Variants in STPG2 observed in about 807,000 individuals in gnomAD.
STPG2 encodes the protein sperm-tail PG-rich repeat-containing protein 2.
STPG2 carries 56 observed loss-of-function variants against 54.2 expected under a neutral mutation model. The ratio of observed to expected loss-of-function variants is 1.03; its 90% CI spans 0.83 to 1.29. The LOEUF is 1.29. STPG2 is among the 50% of genes most tolerant of loss of function. STPG2 has a pLI of 0.00. For synonymous variants in STPG2, 200 were observed against 181.8 expected (o/e 1.10, Z -0.81); for missense variants, 596 against 544.9 (o/e 1.09, Z -0.93).
chr4:97,632,945 T>A (rs535737836), intron 10 of STPG2, among the ~76,000 whole-genome samples: 1 of 152,204 alleles, frequency 6.6e-6, no homozygotes, highest in South Asian at 2.1e-4. Context: ...CTAATTATAT[T>A]TAGAAGGGGG....
intron 10 of STPG2, among the ~76,000 whole-genome samples, chr4:97,593,696 G>A (rs1210329485): frequency 6.6e-6 from 1 of 152,170 alleles, no homozygotes; most frequent in Non-Finnish European, 1.5e-5. Flanking sequence ...TGGAACGCAT[G>A]AAGGAGCATG....
chr4:97,887,424 A>T (rs1314310914), intron 8 of STPG2, among the ~76,000 whole-genome samples: 1 of 152,142 alleles, frequency 6.6e-6, no homozygotes, highest in Admixed American at 6.6e-5. Context: ...TATGCCTTAG[A>T]AAAGAACTTG....
chr4:97,872,772 T>C (rs1730038644), intron 8 of STPG2, among the ~76,000 whole-genome samples: 1 of 151,290 alleles, frequency 6.6e-6, no homozygotes, highest in South Asian at 2.1e-4. Context: ...TTTTCTATAT[T>C]ATAACTTATT....
chr4:97,558,858 G>A (rs1011260107), downstream of STPG2: 5 of 535,138 alleles, frequency 9.3e-6, no homozygotes, highest in Admixed American at 7.8e-5. Context: ...AATACAATAT[G>A]ACTTTTTAAA....
rs1234038588 is a variant in STPG2, at chr4:97,817,728, G to C, written c.1204+23045C>G. On this transcript the variant is annotated intron_variant, in intron 9 of 10. Coordinates refer to ENST00000295268, the MANE Select transcript of STPG2 (RefSeq NM_174952.3). The stretch of plus-strand genomic sequence containing the variant: ...GATAGCTTATACTTGGATAATTTTA[G>C]TGATAAGAAGCCTTTTAACTCTAGA... Among the ~76,000 whole-genome samples the C allele has an allele frequency of 2.0e-5, 3 of 151,940 alleles. No individual in the cohort carries two copies. The East Asian group carries it at 5.8e-4, about 29-fold the overall frequency.
intron 10 of STPG2, among the ~76,000 whole-genome samples, chr4:97,693,830 T>G (rs1723462130): frequency 6.6e-6 from 1 of 152,064 alleles, no homozygotes; most frequent in South Asian, 2.1e-4. Flanking sequence ...CAGACAACAG[T>G]GGAACAAAAT....
chr4:97,803,352 G>A (rs1454937287), intron 9 of STPG2, among the ~76,000 whole-genome samples: 2 of 152,184 alleles, frequency 1.3e-5, no homozygotes, highest in Non-Finnish European at 2.9e-5. Flanking sequence ...TAGAAACAAT[G>A]TGATTGTATC....
intron 10 of STPG2, among the ~76,000 whole-genome samples, chr4:97,632,298 T>G (rs1448057033): frequency 6.8e-6 from 1 of 146,018 alleles, no homozygotes; most frequent in East Asian, 1.9e-4. Flanking sequence ...TTTTTTTTTT[T>G]TATTTCTGAG....
chr4:97,938,238 A>G (rs1218064129), intron 8 of STPG2, among the ~76,000 whole-genome samples: 1 of 152,172 alleles, frequency 6.6e-6, no homozygotes, highest in African/African-American at 2.4e-5. Context: ...TCTCCCTGGC[A>G]CCAGCAGGAA....
intron 5 of STPG2, among the ~76,000 whole-genome samples, chr4:97,994,476 T>G (rs1215003372): frequency 1.3e-5 from 2 of 152,204 alleles, no homozygotes; most frequent in Non-Finnish European, 2.9e-5. Flanking sequence ...AAATATCTGT[T>G]AAGTCCATTC....
intron 4 of STPG2, among the ~76,000 whole-genome samples, chr4:97,513,980 T>C (rs768834839): frequency 5.9e-5 from 9 of 152,034 alleles, no homozygotes; most frequent in Non-Finnish European, 1.3e-4. Context: ...ATATATAAAG[T>C]CAGAAACAAT....
intron 8 of STPG2, among the ~76,000 whole-genome samples, chr4:97,930,132 C>T (rs1022656102): frequency 1.3e-5 from 2 of 152,042 alleles, no homozygotes; most frequent in African/African-American, 2.4e-5. Flanking sequence ...CTCCTGACCT[C>T]GTAATCTACC....
At chr4:98,114,984 AT>A (rs1739476796) in intron 3 of STPG2, among the ~76,000 whole-genome samples, 1 of 151,936 alleles carries the variant, frequency 6.6e-6, no homozygotes, top group African/African-American at 2.4e-5. Flanking sequence ...AGTGTTGGCA[AT>A]ACCAACTTCA....
intron 7 of STPG2, among the ~76,000 whole-genome samples, chr4:97,963,431 G>A (rs1437170180): frequency 6.6e-6 from 1 of 152,060 alleles, no homozygotes; most frequent in African/African-American, 2.4e-5. Flanking sequence ...CAGAGGCAGG[G>A]GGACTCGTGC....
At chr4:97,564,307 CA>C (rs1732357129) in intron 10 of STPG2, among the ~76,000 whole-genome samples, 1 of 152,110 alleles carries the variant, frequency 6.6e-6, no homozygotes, top group Non-Finnish European at 1.5e-5. Context: ...TCCATCCTTT[CA>C]TTTTGAGCCT....
At chr4:97,612,765 G>C (rs1733762928) in intron 10 of STPG2, among the ~76,000 whole-genome samples, 1 of 151,792 alleles carries the variant, frequency 6.6e-6, no homozygotes, top group South Asian at 2.1e-4. Flanking sequence ...AGTGTAGATA[G>C]TGTAAATGCA....
intron 9 of STPG2, among the ~76,000 whole-genome samples, chr4:97,740,921 A>T (rs1338217752): frequency 1.3e-5 from 2 of 152,136 alleles, no homozygotes; most frequent in African/African-American, 4.8e-5. Context: ...TCTTAAGGCA[A>T]AAGAACAAAG....
At chr4:97,486,480 C>A (rs1730362024) in intron 4 of STPG2, among the ~76,000 whole-genome samples, 1 of 151,804 alleles carries the variant, frequency 6.6e-6, no homozygotes, top group Non-Finnish European at 1.5e-5. Flanking sequence ...CCACCTACTC[C>A]TGCAAGAATG....
At chr4:97,888,697 G>C (rs993187344) in intron 8 of STPG2, among the ~76,000 whole-genome samples, 3 of 152,170 alleles carry the variant, frequency 2.0e-5, no homozygotes, top group Non-Finnish European at 4.4e-5. Flanking sequence ...AAACTGTTAA[G>C]AAGAGATTAT....
Sources: gnomAD v4.1 joint callset for allele counts (sites outside exome capture counted in the v4.1 genomes callset) on GRCh38, gnomAD v4.1.1 for gene constraint, MANE v1.5 for transcripts, NCBI Gene and HGNC (gene_info 2026-07-23, HGNC 2026-07-21) for gene names.